TRIOBP: variants seen among roughly 807,000 people sequenced by gnomAD.
TRIOBP encodes the protein TRIO and F-actin-binding protein.
Under a neutral mutation model 238.8 loss-of-function variants are expected in TRIOBP, and 169 were observed. That is an observed-to-expected ratio of 0.71 (90% CI 0.62 to 0.80). The LOEUF (loss-of-function observed/expected upper bound fraction) is 0.80. TRIOBP is among the 30% of genes least tolerant of loss of function. The pLI is 0.00. For synonymous variants in TRIOBP, 1,150 were observed against 1,274.4 expected (o/e 0.90, Z 2.08); for missense variants, 2,838 against 3,122.6 (o/e 0.91, Z 2.17).
chr22:37,733,876 G>A (rs1235678822), intron 8 of TRIOBP, among the ~76,000 whole-genome samples: 3 of 152,088 alleles, frequency 2.0e-5, no homozygotes, highest in African/African-American at 2.4e-5. Context: ...TCACCATGTT[G>A]GCCAGGCTGG....
At chr22:37,715,179 T>C (rs1305453905) in intron 5 of TRIOBP, among the ~76,000 whole-genome samples, 1 of 151,946 alleles carries the variant, frequency 6.6e-6, no homozygotes, top group Non-Finnish European at 1.5e-5. Context: ...TATGCCTGGC[T>C]AGTTTTTGTA....
At chr22:37,711,760 G>A (rs138554034) in intron 4 of TRIOBP, among the ~76,000 whole-genome samples, 111 of 152,264 alleles carry the variant, frequency 7.3e-4, no homozygotes, top group Middle Eastern at 3.4e-3. Flanking sequence ...TGGCTTTTGG[G>A]TAACGGAAGT....
intron 3 of TRIOBP, among the ~76,000 whole-genome samples, chr22:37,709,978 C>T (rs1017501709): frequency 3.9e-5 from 6 of 152,256 alleles, no homozygotes; most frequent in Non-Finnish European, 8.8e-5. Flanking sequence ...CCTCCTCGCC[C>T]TTGTCTTTTG....
At position 37,735,263 on chromosome 22, in the gene TRIOBP, A is replaced by AGCCCC; in HGVS notation, c.4930_4934dup (p.Leu1646ProfsTer26). 6.2e-7 allele frequency: 1 copy of AGCCCC among 1,604,802 alleles called. No individual in the cohort carries two copies. Among genetic ancestry groups the AGCCCC allele is most frequent in the East Asian group, 2.2e-5 (1 of 44,570 alleles). On this transcript the variant is annotated frameshift_variant, in exon 9 of 24. Transcript: ENST00000644935. LOFTEE classifies it high-confidence loss of function. ...CGAGGCCACCCCAGTCAATGGACAC[A>AGCCCC]GCCCCGCACTGCAGTCCCAGAGCCC...
chr22:37,703,306 T>C (rs1922756713), intron 3 of TRIOBP, among the ~76,000 whole-genome samples: 1 of 151,656 alleles, frequency 6.6e-6, no homozygotes, highest in African/African-American at 2.4e-5. Context: ...GATTTTCTTC[T>C]TCAAGTTATT....
rs5995492 is a variant in TRIOBP at position 37,730,006 on chromosome 22, A to G, written c.3948-3292A>G. On this transcript the variant is annotated intron_variant, in intron 7 of 23. Coordinates refer to ENST00000644935, the MANE Select transcript of TRIOBP (RefSeq NM_001039141.3). ...GTCCCGAGTCTGGAAAATTTTTCTTAAAGGGTTGTCACATCAAAGCATTGG... is the reference window on the plus strand; with the variant it reads ...GTCCCGAGTCTGGAAAATTTTTCTTGAAGGGTTGTCACATCAAAGCATTGG... 6.8e-3 allele frequency among the ~76,000 whole-genome samples: 1,032 copies of G among 152,256 alleles called. 12 individuals are homozygous for G. The highest frequency in any genetic ancestry group is 0.023 in the African/African-American group (964 of 41,542).
At chr22:37,708,444 G>A (rs1206901454) in intron 3 of TRIOBP, among the ~76,000 whole-genome samples, 1 of 152,124 alleles carries the variant, frequency 6.6e-6, no homozygotes, top group Non-Finnish European at 1.5e-5. Flanking sequence ...ACAGCTACTG[G>A]GGTGGCTGAG....
chr22:37,731,469 T>TA (rs1491437136), intron 7 of TRIOBP, among the ~76,000 whole-genome samples: 588 of 8,928 alleles, frequency 0.066, 1 homozygote, highest in African/African-American at 0.075. Context: ...TATATATATA[T>TA]TTTTTGAGAC....
At chr22:37,731,352 G>A (rs752925438) in intron 7 of TRIOBP, among the ~76,000 whole-genome samples, 1 of 151,826 alleles carries the variant, frequency 6.6e-6, no homozygotes, top group African/African-American at 2.4e-5. Flanking sequence ...CTGTTGCCAG[G>A]GCTGTCTCAA....
chr22:37,728,704 C>T (rs1924292358), intron 7 of TRIOBP, among the ~76,000 whole-genome samples: 1 of 152,162 alleles, frequency 6.6e-6, no homozygotes, highest in African/African-American at 2.4e-5. Context: ...AGGGATCCTC[C>T]TTTCTTGGCC....
At chr22:37,740,135 C>A (rs1924866210) in intron 10 of TRIOBP, among the ~76,000 whole-genome samples, 1 of 152,188 alleles carries the variant, frequency 6.6e-6, no homozygotes, top group South Asian at 2.1e-4. Context: ...CCCCTACCCC[C>A]AAAGCCCTCC....
chr22:37,701,545 T>C, intron 3 of TRIOBP, 66 bp downstream of exon 3: 1 of 1,183,366 alleles, frequency 8.5e-7, no homozygotes, highest in Admixed American at 2.0e-5. Flanking sequence ...ACTGGGCCTG[T>C]GGTGTCCGCT....
Position 37,725,804 on chromosome 22 carries a change from A to T in TRIOBP, c.3248A>T (p.Asp1083Val). The change falls in exon 7 of 24, where the codon GAC becomes GTC. Residue 1083 changes from aspartate (D) to valine (V), a missense_variant. Physicochemically the swap from Asp to Val is radical, Grantham distance 152. Coordinates refer to ENST00000644935, the MANE Select transcript of TRIOBP (RefSeq NM_001039141.3). The part of the protein sequence containing the change: ...ASSPPRHTQF[D>V]PFPFLPDTSD... ...TCGCCCCCCCGCCACACCCAATTTG[A>T]CCCCTTCCCCTTCCTCCCAGACACA... 1 of 1,275,602 alleles carries T rather than the reference A, an allele frequency of 7.8e-7. No homozygotes were observed. Among genetic ancestry groups the T allele is most frequent in the Non-Finnish European group, 1.0e-6 (1 of 958,118 alleles). The allele number at this position is 1,275,602 out of a possible 1,614,324, so 79.0% of individuals were successfully genotyped here. A position where few individuals can be genotyped will look rare whatever the true frequency, so the allele number is the denominator to read the frequency against.
At chr22:37,747,952 G>A (rs1344458912) in intron 11 of TRIOBP, among the ~76,000 whole-genome samples, 1 of 152,226 alleles carries the variant, frequency 6.6e-6, no homozygotes, top group Non-Finnish European at 1.5e-5. Flanking sequence ...GTGCTTGGAA[G>A]ATGGACAGCA....
chr22:37,743,307 A>C (rs1925032083), intron 11 of TRIOBP, among the ~76,000 whole-genome samples: 1 of 152,244 alleles, frequency 6.6e-6, no homozygotes, highest in Non-Finnish European at 1.5e-5. Context: ...CTGGCTTGGC[A>C]CCTAACTTGT....
intron 6 of TRIOBP, among the ~76,000 whole-genome samples, chr22:37,718,908 G>A (rs531195695): frequency 4.2e-5 from 6 of 143,902 alleles, no homozygotes; most frequent in South Asian, 4.6e-4. Context: ...GTGCAGTGGC[G>A]CGATCTCAGC....
At chr22:37,767,685 T>C (rs1926570502) in intron 18 of TRIOBP, among the ~76,000 whole-genome samples, 1 of 152,140 alleles carries the variant, frequency 6.6e-6, no homozygotes, top group African/African-American at 2.4e-5. Flanking sequence ...AGATAGGCCT[T>C]GTTTGAGAGC....
At chr22:37,731,202 A>G (rs931192256) in intron 7 of TRIOBP, among the ~76,000 whole-genome samples, 3 of 151,910 alleles carry the variant, frequency 2.0e-5, no homozygotes, top group Admixed American at 6.6e-5. Context: ...CAGTGGCATG[A>G]TCATGGCTCA....
chr22:37,723,422 C>T lies in TRIOBP; in HGVS notation c.866C>T (p.Thr289Ile). Residue 289 changes from threonine to isoleucine, a missense_variant, in exon 7 of 24, where the codon ACC becomes ATC. Coordinates refer to ENST00000644935, the MANE Select transcript of TRIOBP (RefSeq NM_001039141.3). ...SSPHRITQRD[T>I]SRASSTQQEI... ...CCCCATCGAATCACCCAAAGGGACA[C>T]CTCCAGGGCCTCATCCACCCAACAG... The T allele has an allele frequency of 1.9e-6, 3 of 1,612,274 alleles. No individual in the cohort carries two copies. The highest frequency in any genetic ancestry group is 1.3e-5 in the African/African-American group (1 of 74,118).
Sources: allele counts gnomAD v4.1 joint callset (sites outside exome capture counted in the v4.1 genomes callset), GRCh38; gene constraint gnomAD v4.1.1; transcripts MANE v1.5; gene names NCBI Gene and HGNC (gene_info 2026-07-23, HGNC 2026-07-21).